Variants in ADAMTS12 observed in about 807,000 individuals in gnomAD.
The protein encoded by ADAMTS12 is ADAM metallopeptidase with thrombospondin type 1 motif 12.
In ADAMTS12, 118 loss-of-function variants were observed where a neutral mutation model predicts 167.8. The observed-to-expected ratio is 0.70, with a 90% CI of 0.61 to 0.82. The LOEUF (loss-of-function observed/expected upper bound fraction) is 0.82. Among genes scored for constraint, ADAMTS12 ranks in the 40% least tolerant of loss-of-function variants. ADAMTS12 has a pLI of 0.00. For synonymous variants in ADAMTS12, 704 were observed against 716.9 expected (o/e 0.98, Z 0.29); for missense variants, 1,916 against 1,998.8 (o/e 0.96, Z 0.79).
chr5:33,616,131 C>A, intron 14 of ADAMTS12, 59 bp from the exon 15 acceptor site: 1 of 1,587,828 alleles, frequency 6.3e-7, no homozygotes, highest in Non-Finnish European at 8.6e-7. Context: ...TGAATGCAAT[C>A]TGTTTGTGAC....
At chr5:33,676,426 C>T in intron 5 of ADAMTS12, among the ~76,000 whole-genome samples, 1 of 151,912 alleles carries the variant, frequency 6.6e-6, no homozygotes, top group Non-Finnish European at 1.5e-5. Flanking sequence ...TGAAACTTCT[C>T]ATGTGTCTAA....
intron 19 of ADAMTS12, among the ~76,000 whole-genome samples, chr5:33,574,667 C>G (rs966483591): frequency 6.6e-6 from 1 of 151,904 alleles, no homozygotes; most frequent in Non-Finnish European, 1.5e-5. Context: ...TTAATGGGTG[C>G]AGCACACCAG....
intron 2 of ADAMTS12, among the ~76,000 whole-genome samples, chr5:33,789,320 A>C (rs547236204): frequency 1.3e-5 from 2 of 152,370 alleles, no homozygotes; most frequent in Admixed American, 1.3e-4. Flanking sequence ...ATGAAACTCC[A>C]GCAGCAGATG....
chr5:33,595,648 G>A (rs1214291264), intron 17 of ADAMTS12, among the ~76,000 whole-genome samples: 2 of 146,990 alleles, frequency 1.4e-5, no homozygotes, highest in Non-Finnish European at 2.9e-5. Flanking sequence ...ACTACTTTTG[G>A]GTGATCCACT....
At chr5:33,760,576 C>T (rs141429503) in intron 2 of ADAMTS12, among the ~76,000 whole-genome samples, 4 of 152,138 alleles carry the variant, frequency 2.6e-5, no homozygotes, top group Non-Finnish European at 4.4e-5. Context: ...CTGAAGAAAA[C>T]TAGGAAAGGA....
chr5:33,623,571 G>A (rs1739433558), intron 14 of ADAMTS12, among the ~76,000 whole-genome samples: 1 of 152,188 alleles, frequency 6.6e-6, no homozygotes, highest in African/African-American at 2.4e-5. Context: ...GCACAGAGAA[G>A]AAACTCTGCA....
intron 23 of ADAMTS12, among the ~76,000 whole-genome samples, chr5:33,528,194 T>C (rs1407041203): frequency 6.6e-6 from 1 of 152,150 alleles, no homozygotes; most frequent in Non-Finnish European, 1.5e-5. Flanking sequence ...AAATATATGT[T>C]CTCATTTATA....
intron 7 of ADAMTS12, 22 bp downstream of exon 7, chr5:33,658,162 C>T (rs1480029856): frequency 6.2e-7 from 1 of 1,611,898 alleles, no homozygotes; most frequent in Non-Finnish European, 8.5e-7. Context: ...GTGAGCAAAC[C>T]TCCCTATCAT....
At chr5:33,584,265 T>C (rs1747221642) in intron 18 of ADAMTS12, among the ~76,000 whole-genome samples, 1 of 152,198 alleles carries the variant, frequency 6.6e-6, no homozygotes, top group Non-Finnish European at 1.5e-5. Flanking sequence ...TAATAATACA[T>C]ACAAAATGCT....
intron 1 of ADAMTS12, among the ~76,000 whole-genome samples, chr5:33,884,854 T>G (rs1050606107): frequency 2.6e-5 from 4 of 152,234 alleles, no homozygotes; most frequent in African/African-American, 9.6e-5. Context: ...TTTCTGCATC[T>G]CCATCAAAAC....
intron 2 of ADAMTS12, among the ~76,000 whole-genome samples, chr5:33,760,600 C>G (rs1172498540): frequency 2.0e-5 from 3 of 152,198 alleles, no homozygotes; most frequent in Non-Finnish European, 4.4e-5. Flanking sequence ...TTCATTACAT[C>G]TCAAACCATG....
intron 19 of ADAMTS12, among the ~76,000 whole-genome samples, chr5:33,574,782 G>T (rs928446312): frequency 1.9e-4 from 29 of 151,668 alleles, no homozygotes; most frequent in African/African-American, 6.5e-4. Flanking sequence ...CTATGAAAGT[G>T]GTTTGTAAAT....
chr5:33,856,547 A>C (rs1318078361), intron 2 of ADAMTS12, among the ~76,000 whole-genome samples: 1 of 152,128 alleles, frequency 6.6e-6, no homozygotes, highest in Non-Finnish European at 1.5e-5. Context: ...ACTTGAGCCC[A>C]AGAGTTCAAG....
At chr5:33,726,353 A>G (rs559431894) in intron 3 of ADAMTS12, among the ~76,000 whole-genome samples, 1 of 152,336 alleles carries the variant, frequency 6.6e-6, no homozygotes, top group South Asian at 2.1e-4. Flanking sequence ...GGCTGACGCT[A>G]AAGTCTCTGG....
chr5:33,720,855 CATGTGT>C (rs1743782696), intron 3 of ADAMTS12, among the ~76,000 whole-genome samples: 1 of 152,098 alleles, frequency 6.6e-6, no homozygotes, highest in Non-Finnish European at 1.5e-5. Context: ...TGTGTGTGTA[CATGTGT>C]ATGTGTATGT....
At chr5:33,692,952 T>C (rs1174422590) in intron 3 of ADAMTS12, among the ~76,000 whole-genome samples, 1 of 152,238 alleles carries the variant, frequency 6.6e-6, no homozygotes, top group African/African-American at 2.4e-5. Context: ...GTAGACACTA[T>C]GCTTGGAAAC....
chr5:33,528,289 G>A lies in ADAMTS12; in HGVS notation c.4607-923C>T, dbSNP rs76360198. ...CAGGGAGGAAACTTGGGGGTGGTAA[G>A]GAATAAAAGACTACATATTGGGTAT... On this transcript the variant is annotated intron_variant, in intron 23 of 23. Transcript: ENST00000504830. Among the ~76,000 whole-genome samples the A allele has an allele frequency of 7.9e-5, 12 of 152,210 alleles. No homozygotes were observed. The East Asian group carries it at 2.3e-3, about 29-fold the overall frequency.
At chr5:33,890,996 T>C (rs1750821497) in intron 1 of ADAMTS12, among the ~76,000 whole-genome samples, 1 of 152,078 alleles carries the variant, frequency 6.6e-6, no homozygotes. Flanking sequence ...CCACCAAACA[T>C]GAAGGTGCCT....
At chr5:33,621,479 T>C (rs1394014879) in intron 14 of ADAMTS12, among the ~76,000 whole-genome samples, 1 of 151,864 alleles carries the variant, frequency 6.6e-6, no homozygotes, top group Non-Finnish European at 1.5e-5. Context: ...GAGATTCTGA[T>C]AAGAGACATC....
Sources: gnomAD v4.1 joint callset for allele counts (sites outside exome capture counted in the v4.1 genomes callset) on GRCh38, gnomAD v4.1.1 for gene constraint, MANE v1.5 for transcripts, NCBI Gene and HGNC (gene_info 2026-07-23, HGNC 2026-07-21) for gene names.